The following FAM114A2 variants were observed in gnomAD, a reference collection of about 807,000 sequenced individuals.
FAM114A2 encodes family with sequence similarity 114 member A2.
A neutral mutation model predicts 58.4 loss-of-function variants in FAM114A2; 53 were observed. The observed-to-expected ratio is 0.91, with a 90% CI of 0.73 to 1.14. The LOEUF (loss-of-function observed/expected upper bound fraction) is 1.14. FAM114A2 is among the 50% of genes most tolerant of loss of function. The pLI is 0.00. For missense variants in FAM114A2, 601 were observed against 581.1 expected, an observed-to-expected ratio of 1.03 and a Z score of -0.35; for synonymous variants, 228 against 211.4, an observed-to-expected ratio of 1.08 and a Z score of -0.68.
chr5:154,033,763 C>A, intron 4 of FAM114A2, 28 bp downstream of exon 4: 1 of 1,285,918 alleles, frequency 7.8e-7, no homozygotes, highest in Non-Finnish European at 1.1e-6. Flanking sequence ...ATTCATAATT[C>A]TAGGTCTTTA....
In FAM114A2 at chr5:154,026,400, T is replaced by C; in HGVS notation, c.912A>G (p.Lys304=). 6.4e-7 allele frequency: 1 copy of C among 1,558,240 alleles called. No individual in the cohort carries two copies. The change falls in exon 8 of 14, where the codon AAA becomes AAG. Residue 304 remains lysine, a splice_region_variant and synonymous_variant. Coordinates refer to ENST00000351797, the MANE Select transcript of FAM114A2 (RefSeq NM_018691.4). ...EFCEEEEEEK[K]GDEDFTKDIT... is the part of the protein sequence containing the mutation. ...TCAGATACTAAATTTTCATATTACC[T>C]TTTTTCTCTTCTTCCTCTTCTTCAC...
At chr5:154,025,629 AT>A (rs1466666486) in intron 8 of FAM114A2, among the ~76,000 whole-genome samples, 2 of 152,124 alleles carry the variant, frequency 1.3e-5, no homozygotes, top group Admixed American at 1.3e-4. Context: ...GAATTTTTCC[AT>A]TCACTTTTAA....
At chr5:154,020,521 T>C (rs1771340193) in intron 8 of FAM114A2, among the ~76,000 whole-genome samples, 1 of 152,106 alleles carries the variant, frequency 6.6e-6, no homozygotes, top group Admixed American at 6.5e-5. Context: ...TCAACACCTC[T>C]ACACAAATAA....
intron 8 of FAM114A2, among the ~76,000 whole-genome samples, chr5:154,015,370 C>T (rs950623398): frequency 6.6e-6 from 1 of 152,136 alleles, no homozygotes; most frequent in Non-Finnish European, 1.5e-5. Flanking sequence ...TCACAGAGTC[C>T]ACTTCGTCCC....
intron 8 of FAM114A2, among the ~76,000 whole-genome samples, chr5:154,015,142 C>T (rs1375601697): frequency 1.3e-5 from 2 of 152,166 alleles, no homozygotes; most frequent in Non-Finnish European, 1.5e-5. Context: ...ACAGCAAGAC[C>T]TGCCTCAAGA....
intron 8 of FAM114A2, among the ~76,000 whole-genome samples, chr5:154,011,851 T>A (rs1182711806): frequency 6.6e-6 from 1 of 151,946 alleles, no homozygotes; most frequent in East Asian, 1.9e-4. Context: ...TGAAAGAAAG[T>A]ATGGGAAGAA....
At chr5:153,993,800 A>G (rs1473300057) in intron 13 of FAM114A2, among the ~76,000 whole-genome samples, 1 of 152,158 alleles carries the variant, frequency 6.6e-6, no homozygotes, top group African/African-American at 2.4e-5. Context: ...AAAAAAATCC[A>G]CTAAAAATAA....
intron 1 of FAM114A2, among the ~76,000 whole-genome samples, chr5:154,037,659 A>T (rs1772669935): frequency 6.6e-6 from 1 of 152,224 alleles, no homozygotes; most frequent in Non-Finnish European, 1.5e-5. Context: ...TAGAATATAT[A>T]ATATACATAT....
intron 4 of FAM114A2, among the ~76,000 whole-genome samples, chr5:154,030,108 T>C (rs1488768388): frequency 7.2e-5 from 11 of 152,186 alleles, no homozygotes; most frequent in Admixed American, 7.2e-4. Context: ...GAAGTATATA[T>C]ACTGATCAAA....
intron 8 of FAM114A2, 38 bp downstream of exon 8, chr5:154,026,361 T>A: frequency 6.7e-7 from 1 of 1,483,392 alleles, no homozygotes; most frequent in Admixed American, 2.3e-5. Context: ...ACAAACACAC[T>A]GCATCCTCTC....
chr5:153,992,825 C>T lies in FAM114A2; in HGVS notation c.*151G>A. 1 of 561,046 alleles carries T rather than the reference C, an allele frequency of 1.8e-6. No homozygotes were observed. The highest frequency in any genetic ancestry group is 3.1e-6 in the Non-Finnish European group (1 of 326,612). 34.8% of individuals were successfully genotyped at this position (561,046 alleles called of 1,614,324 possible). On this transcript the variant is annotated 3_prime_UTR_variant, in exon 14 of 14. Coordinates refer to ENST00000351797, the MANE Select transcript of FAM114A2 (RefSeq NM_018691.4). ...AGAACCTGAATACTTCAATCAAACA[C>T]TGAAGGCAACAATCTTCCTCTTTAA... is the stretch of plus-strand genomic sequence containing the variant.
intron 11 of FAM114A2, among the ~76,000 whole-genome samples, chr5:154,000,099 AG>A (rs1417387389): frequency 2.0e-5 from 3 of 152,334 alleles, no homozygotes; most frequent in South Asian, 2.1e-4. Flanking sequence ...AAGCACAGAA[AG>A]ACAAACACCT....
intron 8 of FAM114A2, among the ~76,000 whole-genome samples, chr5:154,020,681 G>A (rs941579610): frequency 2.6e-5 from 4 of 152,160 alleles, no homozygotes; most frequent in Non-Finnish European, 4.4e-5. Context: ...AAAAGTCCAG[G>A]ATCAGATGGA....
intron 11 of FAM114A2, among the ~76,000 whole-genome samples, chr5:154,000,652 C>A (rs1769911615): frequency 6.6e-6 from 1 of 152,060 alleles, no homozygotes; most frequent in Non-Finnish European, 1.5e-5. Flanking sequence ...CTACTGTATG[C>A]CTAAATCAGC....
At position 154,027,365 on chromosome 5, in the gene FAM114A2, C is replaced by G. The variant is rs776535840; in HGVS notation, c.631-31G>C. 4 of 1,587,366 alleles carry G rather than the reference C, an allele frequency of 2.5e-6. No individual in the cohort carries two copies. In the South Asian group the frequency reaches 3.5e-5, roughly 14 times the overall value. ...AAGAGATGGAGGCATTACACTGTAG[C>G]AAACAATGAGAGCTCAAGGGTGAGT... On this transcript the variant is annotated intron_variant, in intron 6 of 13. Coordinates refer to ENST00000351797, the MANE Select transcript of FAM114A2 (RefSeq NM_018691.4).
At chr5:154,013,816 A>C (rs1051969298) in intron 8 of FAM114A2, among the ~76,000 whole-genome samples, 1 of 152,226 alleles carries the variant, frequency 6.6e-6, no homozygotes, top group Admixed American at 6.5e-5. Flanking sequence ...TAAGACTTTT[A>C]AAATGCATAT....
Position 154,028,228 on chromosome 5 carries a change from G to A in FAM114A2, c.551C>T (p.Thr184Ile). Reference sequence around the variant, plus strand: ...ATCCCCTTCTGCTATCACATCCATTGTCTTTTTTCCAATGAATTCTAAGGC... The same window carrying A: ...ATCCCCTTCTGCTATCACATCCATTATCTTTTTTCCAATGAATTCTAAGGC... Reference protein sequence around the residue: ...LDALEFIGKKTMDVIAEGDPG... With the variant: ...LDALEFIGKKIMDVIAEGDPG... Residue 184 changes from threonine (T) to isoleucine (I), a missense_variant, in exon 6 of 14, where the codon ACA (threonine) becomes ATA (isoleucine). Transcript: ENST00000351797. The A allele has an allele frequency of 6.2e-7, 1 of 1,610,892 alleles. No individual in the cohort carries two copies. The highest frequency in any genetic ancestry group is 8.5e-7 in the Non-Finnish European group (1 of 1,177,422).
chr5:154,006,544 G>T (rs1770357176), intron 9 of FAM114A2, among the ~76,000 whole-genome samples: 1 of 151,990 alleles, frequency 6.6e-6, no homozygotes, highest in African/African-American at 2.4e-5. Flanking sequence ...TAGAGGATGA[G>T]GAGTGTGACA....
intron 9 of FAM114A2, 46 bp from the exon 10 acceptor site, chr5:154,003,015 C>A: frequency 6.3e-7 from 1 of 1,590,316 alleles, no homozygotes. Flanking sequence ...TTCAGTTTAC[C>A]AAAATTACTG....
Sources: gnomAD v4.1 joint callset for allele counts (sites outside exome capture counted in the v4.1 genomes callset) on GRCh38, gnomAD v4.1.1 for gene constraint, MANE v1.5 for transcripts, NCBI Gene and HGNC (gene_info 2026-07-23, HGNC 2026-07-21) for gene names.